Variants in ZMAT4 observed in about 807,000 individuals in gnomAD.
ZMAT4 encodes zinc finger matrin-type protein 4.
ZMAT4 carries 17 observed loss-of-function variants against 28.7 expected under a neutral mutation model. That is an observed-to-expected ratio of 0.59 (90% CI 0.41 to 0.89). The LOEUF is 0.89. Among genes scored for constraint, ZMAT4 ranks in the 40% least tolerant of loss-of-function variants. The pLI is 0.00. For missense variants in ZMAT4, 240 were observed against 283.8 expected, an observed-to-expected ratio of 0.85 and a Z score of 1.11; for synonymous variants, 117 against 109.2, an observed-to-expected ratio of 1.07 and a Z score of -0.44.
At chr8:40,760,037 G>A (rs377641937) in intron 3 of ZMAT4, among the ~76,000 whole-genome samples, 5 of 152,076 alleles carry the variant, frequency 3.3e-5, no homozygotes, top group African/African-American at 1.2e-4. Flanking sequence ...GCTTTCCCAC[G>A]GTCCCTGAAC....
At chr8:40,635,460 C>T (rs986724718) in intron 5 of ZMAT4, among the ~76,000 whole-genome samples, 9 of 152,134 alleles carry the variant, frequency 5.9e-5, no homozygotes, top group Non-Finnish European at 1.2e-4. Flanking sequence ...AAGAGCACCC[C>T]GACCCCACCA....
chr8:40,561,762 T>C (rs925671901), intron 6 of ZMAT4, among the ~76,000 whole-genome samples: 1 of 152,130 alleles, frequency 6.6e-6, no homozygotes, highest in Non-Finnish European at 1.5e-5. Context: ...TCTCAAAACA[T>C]TATGAGAGTT....
intron 2 of ZMAT4, among the ~76,000 whole-genome samples, chr8:40,792,952 A>T (rs1454289925): frequency 6.6e-6 from 1 of 151,808 alleles, no homozygotes; most frequent in Non-Finnish European, 1.5e-5. Context: ...GGGTGTGGGG[A>T]TGGTGAATAG....
intron 3 of ZMAT4, among the ~76,000 whole-genome samples, chr8:40,734,855 A>C (rs1378467071): frequency 2.0e-5 from 3 of 152,246 alleles, no homozygotes; most frequent in Non-Finnish European, 2.9e-5. Flanking sequence ...AAATCTCTAA[A>C]GACATTAATA....
At chr8:40,539,549 G>A (rs28586274) in intron 6 of ZMAT4, among the ~76,000 whole-genome samples, 12,650 of 152,240 alleles carry the variant, frequency 0.083, 1,724 homozygotes, top group African/African-American at 0.29. Context: ...GGATGTTCAT[G>A]TACATGGTTA....
At chr8:40,605,437 C>T (rs1379777773) in intron 5 of ZMAT4, among the ~76,000 whole-genome samples, 1 of 152,112 alleles carries the variant, frequency 6.6e-6, no homozygotes, top group African/African-American at 2.4e-5. Flanking sequence ...TCATTGTGAA[C>T]TCAATGATCA....
intron 3 of ZMAT4, among the ~76,000 whole-genome samples, chr8:40,708,564 A>G (rs912525237): frequency 1.7e-5 from 2 of 115,738 alleles, no homozygotes; most frequent in African/African-American, 6.4e-5. Context: ...ACACACATAC[A>G]CACTCTTTCT....
intron 1 of ZMAT4, among the ~76,000 whole-genome samples, chr8:40,859,790 G>T (rs1260599311): frequency 1.3e-5 from 2 of 151,668 alleles, no homozygotes; most frequent in Admixed American, 1.3e-4. Context: ...GTCATGAGGG[G>T]TGAGTGGAAA....
At chr8:40,835,970 C>T (rs1036390546) in intron 1 of ZMAT4, among the ~76,000 whole-genome samples, 1 of 152,136 alleles carries the variant, frequency 6.6e-6, no homozygotes, top group Non-Finnish European at 1.5e-5. Context: ...GTGGCCAAGA[C>T]AGGAAGATAC....
chr8:40,691,731 T>G (rs1809673673), intron 4 of ZMAT4, among the ~76,000 whole-genome samples: 1 of 152,224 alleles, frequency 6.6e-6, no homozygotes, highest in Admixed American at 6.5e-5. Context: ...AGTATTTTAC[T>G]TATATCTTCT....
intron 1 of ZMAT4, among the ~76,000 whole-genome samples, chr8:40,883,475 C>T (rs1818349466): frequency 6.6e-6 from 1 of 152,146 alleles, no homozygotes; most frequent in Admixed American, 6.5e-5. Context: ...TCCTGGATGT[C>T]TGAGAGGAAG....
At chr8:40,763,456 T>C (rs2150557965) in intron 3 of ZMAT4, among the ~76,000 whole-genome samples, 1 of 152,278 alleles carries the variant, frequency 6.6e-6, no homozygotes, top group East Asian at 1.9e-4. Context: ...AGATCACTCA[T>C]ATATATAAAG....
chr8:40,772,274 T>C (rs79410171), intron 2 of ZMAT4, among the ~76,000 whole-genome samples: 1 of 152,224 alleles, frequency 6.6e-6, no homozygotes, highest in Non-Finnish European at 1.5e-5. Flanking sequence ...TATCTGAAGA[T>C]TAGTTTCTTT....
intron 3 of ZMAT4, among the ~76,000 whole-genome samples, chr8:40,751,204 G>C (rs756822283): frequency 2.0e-5 from 3 of 152,104 alleles, no homozygotes; most frequent in South Asian, 2.1e-4. Context: ...AGCCACTCTT[G>C]CATTGCTATA....
chr8:40,790,137 T>G (rs980039676), intron 2 of ZMAT4, among the ~76,000 whole-genome samples: 1 of 152,232 alleles, frequency 6.6e-6, no homozygotes, highest in Admixed American at 6.5e-5. Context: ...ACTCTCTTGC[T>G]ATAGCAAGCT....
At chr8:40,610,092 A>G (rs1343165294) in intron 5 of ZMAT4, among the ~76,000 whole-genome samples, 1 of 152,254 alleles carries the variant, frequency 6.6e-6, no homozygotes, top group Non-Finnish European at 1.5e-5. Context: ...AATATAAACA[A>G]ATAAAAATAT....
At chr8:40,821,557 G>A (rs1815830420) in intron 2 of ZMAT4, among the ~76,000 whole-genome samples, 1 of 152,066 alleles carries the variant, frequency 6.6e-6, no homozygotes, top group Admixed American at 6.6e-5. Context: ...CATATATTAG[G>A]TTTTTCTGTC....
intron 1 of ZMAT4, among the ~76,000 whole-genome samples, chr8:40,845,146 C>T (rs1413006988): frequency 1.3e-5 from 2 of 152,204 alleles, no homozygotes; most frequent in Non-Finnish European, 2.9e-5. Context: ...ATCTACAGCT[C>T]TTACAACTTC....
At chr8:40,845,718 A>AT (rs1210598481) in intron 1 of ZMAT4, among the ~76,000 whole-genome samples, 1 of 150,468 alleles carries the variant, frequency 6.6e-6, no homozygotes, top group Non-Finnish European at 1.5e-5. Flanking sequence ...AAAAAAAAAA[A>AT]TTTTTAGAAG....
Sources: gnomAD v4.1 joint callset for allele counts (sites outside exome capture counted in the v4.1 genomes callset) on GRCh38, gnomAD v4.1.1 for gene constraint, MANE v1.5 for transcripts, NCBI Gene and HGNC (gene_info 2026-07-23, HGNC 2026-07-21) for gene names.